Variants in PKD1L1 observed in about 807,000 individuals in gnomAD.
The protein encoded by PKD1L1 is polycystin-1-like protein 1.
In PKD1L1, 236 loss-of-function variants were observed where a neutral mutation model predicts 323.4. That is an observed-to-expected ratio of 0.73 (90% CI 0.66 to 0.81). The LOEUF is 0.81. Ranked by LOEUF, PKD1L1 falls within the 40% of genes least tolerant of loss-of-function variation. The pLI is 0.00. For missense variants in PKD1L1, 3,320 were observed against 3,508.0 expected, an observed-to-expected ratio of 0.95 and a Z score of 1.35; for synonymous variants, 1,344 against 1,335.0, an observed-to-expected ratio of 1.01 and a Z score of -0.15.
rs1785541886 is a variant in PKD1L1, at chr7:47,840,379, C to T, written c.5552+82G>A. ...TTAGAGACCAATGTTATGTATTCTA[C>T]TGTTTTGTATTTGTGATAAGGTTAC... On this transcript the variant is annotated intron_variant, in intron 35 of 56. Coordinates refer to ENST00000289672, the MANE Select transcript of PKD1L1 (RefSeq NM_138295.5). The surrounding 1 kb of genome is among the most constrained non-coding windows in gnomAD (Gnocchi z 4.1). 2.7e-5 allele frequency: 25 copies of T among 940,154 alleles called. 1 individual carries two copies. In the South Asian group the frequency reaches 3.2e-4, roughly 12 times the overall value. 58.2% of individuals were successfully genotyped at this position (940,154 alleles called of 1,614,324 possible).
chr7:47,861,849 C>A (rs1354380875), intron 26 of PKD1L1, among the ~76,000 whole-genome samples: 1 of 134,174 alleles, frequency 7.5e-6, no homozygotes, highest in Admixed American at 9.2e-5. Flanking sequence ...CCACTACACT[C>A]CAGCCTGGGC....
At chr7:47,798,696 A>G (rs967351839) in intron 54 of PKD1L1, among the ~76,000 whole-genome samples, 16 of 150,570 alleles carry the variant, frequency 1.1e-4, no homozygotes, top group Non-Finnish European at 3.0e-5. Flanking sequence ...CAGAGGTTGC[A>G]GTGATCTGAG....
chr7:47,915,116 T>A (rs915387126), intron 8 of PKD1L1, among the ~76,000 whole-genome samples: 1 of 152,224 alleles, frequency 6.6e-6, no homozygotes, highest in Non-Finnish European at 1.5e-5. Context: ...TAATTTAGCA[T>A]CTGAGAAAGA....
At chr7:47,905,489 G>A (rs539813574) in intron 10 of PKD1L1, among the ~76,000 whole-genome samples, 164 bp from the exon 11 acceptor site, 8 of 152,332 alleles carry the variant, frequency 5.3e-5, no homozygotes, top group South Asian at 2.1e-4. Context: ...GTGGGCACGC[G>A]GTAGGCAGTG....
At chr7:47,919,790 G>T (rs1787498573) in intron 7 of PKD1L1, among the ~76,000 whole-genome samples, 2 of 152,136 alleles carry the variant, frequency 1.3e-5, no homozygotes, top group South Asian at 4.1e-4. Flanking sequence ...AATAGATGCA[G>T]AAAAAGCATT....
At position 47,880,819 on chromosome 7, in the gene PKD1L1, A is replaced by C; in HGVS notation, c.3443-14T>G. 1 of 1,587,788 alleles carries C rather than the reference A, an allele frequency of 6.3e-7. No individual in the cohort carries two copies. Among genetic ancestry groups the C allele is most frequent in the Non-Finnish European group, 8.6e-7 (1 of 1,163,320 alleles). On this transcript the variant is annotated splice_polypyrimidine_tract_variant and intron_variant, in intron 20 of 56. Coordinates refer to ENST00000289672, the MANE Select transcript of PKD1L1 (RefSeq NM_138295.5). ...GTTCTGTAATACCTGCAGAAAAGAC[A>C]TGGCTGCATGGAAATGACAGTCAGT... is the stretch of plus-strand genomic sequence containing the variant.
chr7:47,817,572 C>A (rs1401358331), intron 46 of PKD1L1, among the ~76,000 whole-genome samples: 4 of 151,990 alleles, frequency 2.6e-5, no homozygotes, highest in African/African-American at 4.8e-5. Context: ...TAAATGTGTT[C>A]GAAAATTTCC....
chr7:47,825,284 C>T (rs897888428), intron 45 of PKD1L1, among the ~76,000 whole-genome samples: 13 of 151,024 alleles, frequency 8.6e-5, no homozygotes, highest in African/African-American at 2.7e-4. Flanking sequence ...AATCCCAGCA[C>T]TTTGGGAGGT....
chr7:47,859,627 AT>A (rs34815905), intron 26 of PKD1L1, among the ~76,000 whole-genome samples: 22,681 of 123,438 alleles, frequency 0.18, 1,890 homozygotes, highest in East Asian at 0.36. Flanking sequence ...AAAGACATAC[AT>A]TTTTTTTTTT....
In PKD1L1 at chr7:47,904,464, G is replaced by A. The variant is rs1482168954; in HGVS notation, c.1845C>T (p.Asn615=). Residue 615 remains asparagine, a synonymous_variant, in exon 12 of 57, where the codon AAC becomes AAT. Transcript: ENST00000289672. ...NASVAFECWI[N]FGTDVAYLWD... is the part of the protein sequence containing the mutation. ...ACAGGTAGGCAACATCTGTGCCGAA[G>A]TTGATCCAGCACTCAAAGGCCACAC... is the stretch of plus-strand genomic sequence containing the variant. 1 of 1,614,076 alleles carries A rather than the reference G, an allele frequency of 6.2e-7. No homozygotes were observed. Among genetic ancestry groups the A allele is most frequent in the African/African-American group, 1.3e-5 (1 of 74,932 alleles).
Position 47,885,894 on chromosome 7 carries a change from T to A in PKD1L1, c.2997A>T (p.Gln999His), listed in dbSNP as rs756093575. Residue 999 changes from glutamine (Q) to histidine (H), a missense_variant, in exon 18 of 57, where the codon CAA (glutamine) becomes CAT (histidine). Gln to His is a conservative substitution (Grantham distance 24, BLOSUM62 0). Transcript: ENST00000289672. ...TTCCCCTTGGAGCTGAAGTGGCAGG[T>A]TGGCCAAGGGTCACGGGTGAAGGTT... ...SREPSPVTLG[Q>H]PATSAPRGTP... 6.2e-7 allele frequency: 1 copy of A among 1,613,784 alleles called. No homozygotes were observed. The highest frequency in any genetic ancestry group is 1.7e-5 in the Admixed American group (1 of 60,018).
rs558637215 is a variant in PKD1L1 at position 47,824,571 on chromosome 7, A to G, written c.6854+2779T>C. 1.2e-4 allele frequency among the ~76,000 whole-genome samples: 19 copies of G among 152,312 alleles called. No individual in the cohort carries two copies. In the South Asian group the frequency reaches 3.9e-3, roughly 32 times the overall value. On this transcript the variant is annotated intron_variant, in intron 45 of 56. Transcript: ENST00000289672. ...TTTAACCTTAACACAGATTTAAAAA[A>G]ATCTTATTCCTTCTCTCCCCATAAG... is the stretch of plus-strand genomic sequence containing the variant.
chr7:47,954,144 C>A, the PKD1L1 span, among the ~76,000 whole-genome samples: 6 of 152,132 alleles, frequency 3.9e-5, no homozygotes, highest in African/African-American at 1.4e-4. Flanking sequence ...TGTCATGGTG[C>A]GCTAAGACAC....
chr7:47,854,104 G>A (rs530046019), intron 30 of PKD1L1, among the ~76,000 whole-genome samples: 12 of 152,256 alleles, frequency 7.9e-5, no homozygotes, highest in East Asian at 1.9e-4. Context: ...TTTAGACATC[G>A]AATGCTTAGC....
At chr7:47,804,985 T>C (rs192888051) in intron 52 of PKD1L1, among the ~76,000 whole-genome samples, 12 of 152,122 alleles carry the variant, frequency 7.9e-5, no homozygotes, top group African/African-American at 2.9e-4. Context: ...AGGGATGCCA[T>C]AAAGCCTTCT....
intron 52 of PKD1L1, among the ~76,000 whole-genome samples, chr7:47,804,301 A>G (rs1377279838): frequency 6.6e-6 from 1 of 152,214 alleles, no homozygotes; most frequent in African/African-American, 2.4e-5. Context: ...ATGCAATGCA[A>G]GCTATGGGTA....
chr7:47,836,307 A>G (rs1466683007), intron 37 of PKD1L1, among the ~76,000 whole-genome samples: 2 of 152,156 alleles, frequency 1.3e-5, no homozygotes, highest in Non-Finnish European at 2.9e-5. Flanking sequence ...CAGCCACACT[A>G]CGACCCAGCG....
chr7:47,880,468 G>C (rs1445061055), intron 21 of PKD1L1, among the ~76,000 whole-genome samples: 1 of 148,938 alleles, frequency 6.7e-6, no homozygotes, highest in Non-Finnish European at 1.5e-5. Flanking sequence ...TTTTTTAGTA[G>C]AGATGGGGTT....
chr7:47,866,516 C>T lies in PKD1L1; in HGVS notation c.3995G>A (p.Arg1332His), dbSNP rs756414300. Reference protein sequence around the residue: ...YITVITRILSRLSKEDKTASC... With the variant: ...YITVITRILSHLSKEDKTASC... ...GGCAGTTTTGTCCTCCTTAGACAAACGACTCAGGATTCTGGTGATCACAGT... is the reference window on the plus strand; with the variant it reads ...GGCAGTTTTGTCCTCCTTAGACAAATGACTCAGGATTCTGGTGATCACAGT... The change falls in exon 25 of 57, where the codon CGT becomes CAT. Residue 1332 changes from arginine to histidine, a missense_variant. By Grantham distance (29) the Arg-to-His change is conservative. Transcript: ENST00000289672. 26 of 1,613,850 alleles carry T rather than the reference C, an allele frequency of 1.6e-5. No homozygotes were observed. Among genetic ancestry groups the T allele is most frequent in the Admixed American group, 3.3e-5 (2 of 59,982 alleles).
Sources: gnomAD v4.1 joint callset for allele counts (sites outside exome capture counted in the v4.1 genomes callset) on GRCh38, gnomAD v4.1.1 for gene constraint, Gnocchi (gnomAD v3.1) non-coding constraint, MANE v1.5 for transcripts, NCBI Gene and HGNC (gene_info 2026-07-23, HGNC 2026-07-21) for gene names.